The following PCDHGA8 variants were observed in gnomAD, a reference collection of about 807,000 sequenced individuals.
PCDHGA8 encodes the protein protocadherin gamma subfamily A, 8, also known as protocadherin gamma-A8.
Under a neutral mutation model 59.2 loss-of-function variants are expected in PCDHGA8, and 45 were observed. The observed-to-expected ratio is 0.76, with a 90% CI of 0.60 to 0.98. PCDHGA8 has a LOEUF of 0.98. Ranked by LOEUF, PCDHGA8 falls within the 50% of genes least tolerant of loss-of-function variation. The pLI is 0.00. For synonymous variants in PCDHGA8, 531 were observed against 519.0 expected, an observed-to-expected ratio of 1.02 and a Z score of -0.32; for missense variants, 1,257 against 1,196.2, an observed-to-expected ratio of 1.05 and a Z score of -0.75.
In PCDHGA8 at chr5:141,393,857, C is replaced by A. The variant is rs753457502; in HGVS notation, c.1044C>A (p.Ile348=). Residue 348 remains isoleucine, a synonymous_variant, in exon 1 of 4, where the codon ATC becomes ATA. Coordinates refer to ENST00000398604, the MANE Select transcript of PCDHGA8 (RefSeq NM_032088.2). The part of the protein sequence containing the change: ...EDVNDNRPEV[I]ITSLFSPVLE... ...TAAATGACAATAGACCAGAAGTGAT[C>A]ATTACGTCTTTGTTTAGCCCAGTGT... The A allele has an allele frequency of 1.9e-6, 3 of 1,613,860 alleles. No individual in the cohort carries two copies. The highest frequency in any genetic ancestry group is 2.5e-6 in the Non-Finnish European group (3 of 1,179,892).
chr5:141,419,785 G>T, intron 1 of PCDHGA8: 2 of 1,614,052 alleles, frequency 1.2e-6, no homozygotes, highest in Non-Finnish European at 1.7e-6. Flanking sequence ...GCCAGCGCCT[G>T]CTAGTCGCTG....
chr5:141,485,172 CA>C lies in PCDHGA8; in HGVS notation c.2425-9633del. 6.2e-7 allele frequency: 1 copy of C among 1,610,166 alleles called. No individual in the cohort carries two copies. Among genetic ancestry groups the C allele is most frequent in the Non-Finnish European group, 8.5e-7 (1 of 1,176,940 alleles). On this transcript the variant is annotated intron_variant, in intron 1 of 3. Coordinates refer to ENST00000398604, the MANE Select transcript of PCDHGA8 (RefSeq NM_032088.2). The surrounding 1 kb of genome is among the most constrained non-coding windows in gnomAD (Gnocchi z 5.7). ...CAAGTAGAGAATTAGCGGGCGGCAG[CA>C]ATGCTCCGCAAGGTGAGAAGCTGGA...
intron 1 of PCDHGA8, chr5:141,423,815 C>G (rs1002418139): frequency 7.9e-7 from 1 of 1,271,358 alleles, no homozygotes; most frequent in African/African-American, 1.6e-5. Context: ...GTGAGTTTTA[C>G]TTTGCCTTTC....
chr5:141,434,429 C>T (rs1379210960), intron 1 of PCDHGA8, among the ~76,000 whole-genome samples: 2 of 152,152 alleles, frequency 1.3e-5, no homozygotes, highest in Admixed American at 6.5e-5. Flanking sequence ...TCATGATGGC[C>T]GTAATGCCCA....
chr5:141,418,883 G>A (rs376245268), intron 1 of PCDHGA8: 5 of 1,613,960 alleles, frequency 3.1e-6, no homozygotes, highest in East Asian at 2.2e-5. Flanking sequence ...AGACGAAAAC[G>A]ACAACAGCCC....
chr5:141,491,549 A>T lies in PCDHGA8; in HGVS notation c.2425-3258A>T, dbSNP rs748281587. 18 of 1,613,860 alleles carry T rather than the reference A, an allele frequency of 1.1e-5. No homozygotes were observed. In the East Asian group the frequency reaches 3.8e-4, roughly 34 times the overall value. On this transcript the variant is annotated intron_variant, in intron 1 of 3. Coordinates refer to ENST00000398604, the MANE Select transcript of PCDHGA8 (RefSeq NM_032088.2). This position sits in a 1 kb window ranked among gnomAD's most constrained non-coding sequence, Gnocchi z 6.9. Reference sequence around the variant, plus strand: ...GTGACGCTGCGGCCCACAGACTCGCAGAGCCACTGCTACAGGACGTGCTTT... The same window carrying T: ...GTGACGCTGCGGCCCACAGACTCGCTGAGCCACTGCTACAGGACGTGCTTT...
In PCDHGA8 at chr5:141,432,330, A is replaced by G. The variant is rs760184218; in HGVS notation, c.2424+37093A>G. 82 of 1,614,134 alleles carry G rather than the reference A, an allele frequency of 5.1e-5. No individual in the cohort carries two copies. The highest frequency in any genetic ancestry group is 6.8e-5 in the Non-Finnish European group (80 of 1,180,048). Reference sequence around the variant, plus strand: ...GCGCTGAGCTCCTTCGACTACGAGCAGTTCCGAGACTTGCAAGTGAAAGTG... The same window carrying G: ...GCGCTGAGCTCCTTCGACTACGAGCGGTTCCGAGACTTGCAAGTGAAAGTG... On this transcript the variant is annotated intron_variant, in intron 1 of 3. Transcript: ENST00000398604. The surrounding 1 kb of genome is among the most constrained non-coding windows in gnomAD (Gnocchi z 6.0).
chr5:141,422,056 G>C lies in PCDHGA8; in HGVS notation c.2424+26819G>C, dbSNP rs1003977721. 1.2e-6 allele frequency: 2 copies of C among 1,611,816 alleles called. No individual in the cohort carries two copies. The highest frequency in any genetic ancestry group is 2.7e-5 in the African/African-American group (2 of 74,764). ...GGATCCAGACGAGGGAATCAACGGG[G>C]AAGTAATGTATTCATTTCGGAACAT... On this transcript the variant is annotated intron_variant, in intron 1 of 3. Transcript: ENST00000398604.
At chr5:141,471,801 CAT>C (rs1165290367) in intron 1 of PCDHGA8, among the ~76,000 whole-genome samples, 1 of 152,114 alleles carries the variant, frequency 6.6e-6, no homozygotes, top group African/African-American at 2.4e-5. Context: ...ATATAAAAGA[CAT>C]ATAAAAGACT....
Position 141,512,574 on chromosome 5 carries a change from C to G in PCDHGA8, c.*1401C>G, listed in dbSNP as rs1429371202. 2 of 152,884 alleles carry G rather than the reference C, an allele frequency of 1.3e-5. No homozygotes were observed. Among genetic ancestry groups the G allele is most frequent in the South Asian group, 2.1e-4 (1 of 4,836 alleles). 9.5% of individuals were successfully genotyped at this position (152,884 alleles called of 1,614,324 possible). On this transcript the variant is annotated 3_prime_UTR_variant, in exon 4 of 4. Transcript: ENST00000398604. ...GTGCATAGACCTTCTTCTCCCACCC[C>G]CTTCTGCCCCTGGGTCCCCGGCCAT...
intron 1 of PCDHGA8, chr5:141,405,187 G>T (rs372851700): frequency 9.3e-6 from 15 of 1,613,480 alleles, no homozygotes; most frequent in Non-Finnish European, 1.3e-5. Flanking sequence ...GTGTAGATGG[G>T]GTTCGAGCTT....
At chr5:141,439,737 A>T (rs947754447) in intron 1 of PCDHGA8, 4 of 152,382 alleles carry the variant, frequency 2.6e-5, no homozygotes, top group Non-Finnish European at 5.9e-5. Flanking sequence ...CAGGAACGGA[A>T]CGGATTTACA....
intron 1 of PCDHGA8, among the ~76,000 whole-genome samples, chr5:141,465,409 A>G (rs1037916815): frequency 3.3e-5 from 5 of 152,188 alleles, no homozygotes; most frequent in African/African-American, 4.8e-5. Flanking sequence ...AAGAAGCCAA[A>G]TCAGCACTGA....
chr5:141,422,400 G>A (rs1207332302), intron 1 of PCDHGA8: 3 of 1,598,664 alleles, frequency 1.9e-6, no homozygotes, highest in South Asian at 2.3e-5. Context: ...CTAACCACCT[G>A]CCTTTTAAAT....
intron 1 of PCDHGA8, chr5:141,422,184 A>T: frequency 6.4e-7 from 1 of 1,561,838 alleles, no homozygotes; most frequent in Non-Finnish European, 8.6e-7. Context: ...ATGAGATGGA[A>T]ATTCAAGGCC....
intron 1 of PCDHGA8, among the ~76,000 whole-genome samples, chr5:141,425,036 G>A (rs574813328): frequency 1.3e-5 from 2 of 152,238 alleles, no homozygotes; most frequent in East Asian, 3.9e-4. Context: ...GTCATTAGTT[G>A]TAAACTGACT....
At position 141,477,886 on chromosome 5, in the gene PCDHGA8, G is replaced by A. The variant is rs2099422999; in HGVS notation, c.2425-16921G>A. 2 of 1,614,188 alleles carry A rather than the reference G, an allele frequency of 1.2e-6. No homozygotes were observed. The highest frequency in any genetic ancestry group is 1.7e-6 in the Non-Finnish European group (2 of 1,180,040). ...GAGGTACCTCAGCTGGCCACCTAGT[G>A]TCACGGGTGGTAGGCTGGGACGCGG... On this transcript the variant is annotated intron_variant, in intron 1 of 3. Transcript: ENST00000398604. The surrounding 1 kb of genome is among the most constrained non-coding windows in gnomAD (Gnocchi z 4.9).
chr5:141,419,013 G>A, intron 1 of PCDHGA8: 2 of 1,613,958 alleles, frequency 1.2e-6, no homozygotes, highest in South Asian at 2.2e-5. Flanking sequence ...GTCAGGTGTA[G>A]CTTAAGTAGA....
chr5:141,509,350 G>C (rs2099876432), intron 3 of PCDHGA8, among the ~76,000 whole-genome samples: 5 of 152,142 alleles, frequency 3.3e-5, no homozygotes. Flanking sequence ...GGGCTGGCCT[G>C]GGCATCCCTG....
Sources: gnomAD v4.1 joint callset for allele counts (sites outside exome capture counted in the v4.1 genomes callset) on GRCh38, gnomAD v4.1.1 for gene constraint, Gnocchi (gnomAD v3.1) non-coding constraint, MANE v1.5 for transcripts, NCBI Gene and HGNC (gene_info 2026-07-23, HGNC 2026-07-21) for gene names.